MIB1: variants seen among roughly 807,000 people sequenced by gnomAD.
MIB1 encodes the protein MIB E3 ubiquitin protein ligase 1.
MIB1 carries 278 observed loss-of-function variants against 124.5 expected under a neutral mutation model. That is an observed-to-expected ratio of 2.23 (90% confidence interval 2.02 to 2.47). MIB1 has a LOEUF of 2.47. Among genes scored for constraint, MIB1 ranks in the 30% most tolerant of loss-of-function variants. MIB1 has a pLI of 0.00. For synonymous variants in MIB1, 446 were observed against 429.4 expected, an observed-to-expected ratio of 1.04 and a Z score of -0.48; for missense variants, 957 against 1,254.4, an observed-to-expected ratio of 0.76 and a Z score of 3.58.
chr18:21,853,353 A>G (rs1325873623), intron 18 of MIB1, 135 bp downstream of exon 18: 12 of 629,966 alleles, frequency 1.9e-5, no homozygotes, highest in Non-Finnish European at 3.3e-5. Flanking sequence ...AGTACCTTCT[A>G]TTTCTTTCTC....
chr18:21,758,097 A>T (rs1189304430), intron 1 of MIB1, among the ~76,000 whole-genome samples: 2 of 152,180 alleles, frequency 1.3e-5, no homozygotes, highest in Non-Finnish European at 2.9e-5. Flanking sequence ...TCATCCATAA[A>T]ATGGGGATAA....
chr18:21,870,206 T>C lies in MIB1; in HGVS notation c.*5540T>C, dbSNP rs1225027426. The C allele has an allele frequency of 6.6e-6, 1 of 152,590 alleles. No individual in the cohort carries two copies. The highest frequency in any genetic ancestry group is 1.9e-4 in the East Asian group (1 of 5,200). 9.5% of individuals were successfully genotyped at this position (152,590 alleles called of 1,614,324 possible). On this transcript the variant is annotated 3_prime_UTR_variant, in exon 21 of 21. Transcript: ENST00000261537. ...TTCTTTGATCTTTGGAGAATTATTCTTTTATAGTAGTATACATGAATTTTG... is the reference window on the plus strand; with the variant it reads ...TTCTTTGATCTTTGGAGAATTATTCCTTTATAGTAGTATACATGAATTTTG...
At chr18:21,861,041 T>C (rs1405293435) in intron 20 of MIB1, among the ~76,000 whole-genome samples, 1 of 152,120 alleles carries the variant, frequency 6.6e-6, no homozygotes, top group Non-Finnish European at 1.5e-5. Context: ...ACCATCTCTT[T>C]GTAGGGGGTG....
chr18:21,806,567 A>G (rs1172928644), intron 10 of MIB1, among the ~76,000 whole-genome samples: 1 of 151,780 alleles, frequency 6.6e-6, no homozygotes, highest in Non-Finnish European at 1.5e-5. Flanking sequence ...ACATGGTATG[A>G]TGGGAGTTGA....
At chr18:21,812,123 C>G (rs927853553) in intron 10 of MIB1, among the ~76,000 whole-genome samples, 2 of 152,076 alleles carry the variant, frequency 1.3e-5, no homozygotes, top group African/African-American at 4.8e-5. Context: ...GGGGAAATTT[C>G]ACAGGAGAAG....
intron 10 of MIB1, among the ~76,000 whole-genome samples, chr18:21,815,327 C>A (rs749580383): frequency 6.6e-6 from 1 of 151,676 alleles, no homozygotes; most frequent in Non-Finnish European, 1.5e-5. Context: ...TGCCACCATG[C>A]CTGGCTCTCT....
intron 1 of MIB1, among the ~76,000 whole-genome samples, chr18:21,708,497 T>G (rs1324884980): frequency 6.6e-6 from 1 of 152,052 alleles, no homozygotes; most frequent in African/African-American, 2.4e-5. Context: ...CTCCTAAAAA[T>G]ACAAGAAAAT....
chr18:21,849,626 G>T (rs2042165265), intron 17 of MIB1, among the ~76,000 whole-genome samples: 3 of 151,908 alleles, frequency 2.0e-5, no homozygotes, highest in Non-Finnish European at 2.9e-5. Flanking sequence ...TGAGTTTATT[G>T]ATACACCATT....
intron 1 of MIB1, among the ~76,000 whole-genome samples, chr18:21,743,208 T>C (rs1187797015): frequency 6.6e-6 from 1 of 152,234 alleles, no homozygotes; most frequent in Admixed American, 6.5e-5. Context: ...GAATACTCTA[T>C]TGCATGGCAA....
Position 21,818,055 on chromosome 18 carries a change from G to A in MIB1, c.1678-1440G>A, listed in dbSNP as rs551754478. Among the ~76,000 whole-genome samples, 20 of 152,250 alleles carry A rather than the reference G, an allele frequency of 1.3e-4. No individual in the cohort carries two copies. The East Asian group carries it at 3.9e-3, about 29-fold the overall frequency. On this transcript the variant is annotated intron_variant, in intron 11 of 20. Coordinates refer to ENST00000261537, the MANE Select transcript of MIB1 (RefSeq NM_020774.4). ...AAAAAGTAGTCAGCTTGAAAAAATG[G>A]TAGACTGAGATTGCTAAATTTTAAT...
chr18:21,724,743 T>A (rs1240861108), intron 1 of MIB1, among the ~76,000 whole-genome samples: 1,147 of 78,184 alleles, frequency 0.015, 35 homozygotes, highest in Non-Finnish European at 0.021. Flanking sequence ...TATATATATA[T>A]ATATATATAT....
intron 12 of MIB1, among the ~76,000 whole-genome samples, chr18:21,825,215 T>C (rs1261176063): frequency 6.6e-6 from 1 of 152,134 alleles, no homozygotes; most frequent in Non-Finnish European, 1.5e-5. Context: ...GCGGTAAAAT[T>C]AAAGGCCAAT....
intron 13 of MIB1, among the ~76,000 whole-genome samples, chr18:21,842,551 G>T (rs1598638481): frequency 6.6e-6 from 1 of 152,260 alleles, no homozygotes; most frequent in Non-Finnish European, 1.5e-5. Context: ...TTAGGGTTCA[G>T]CTGTTCTCAT....
At chr18:21,733,495 A>G (rs1212783946) in intron 1 of MIB1, among the ~76,000 whole-genome samples, 1 of 152,108 alleles carries the variant, frequency 6.6e-6, no homozygotes, top group East Asian at 1.9e-4. Flanking sequence ...TCCTGGCCCC[A>G]AGCCATTCTC....
At chr18:21,732,814 A>G (rs2040778342) in intron 1 of MIB1, among the ~76,000 whole-genome samples, 1 of 152,244 alleles carries the variant, frequency 6.6e-6, no homozygotes, top group Non-Finnish European at 1.5e-5. Context: ...CGCTCACAAA[A>G]TATCCCTTGT....
chr18:21,773,587 T>C, intron 3 of MIB1, 37 bp from the exon 4 acceptor site: 1 of 1,449,256 alleles, frequency 6.9e-7, no homozygotes, highest in Non-Finnish European at 9.6e-7. Flanking sequence ...TTCCCTCCCC[T>C]TTAAAAAACT....
chr18:21,793,683 A>G (rs902932257), intron 7 of MIB1, among the ~76,000 whole-genome samples: 1 of 145,800 alleles, frequency 6.9e-6, no homozygotes, highest in Non-Finnish European at 1.5e-5. Context: ...TGGGAGACTG[A>G]AGTGAGAGGA....
chr18:21,724,719 AAAAAAAAAATAT>A (rs2040730230), intron 1 of MIB1, among the ~76,000 whole-genome samples: 1 of 58,270 alleles, frequency 1.7e-5, no homozygotes, highest in Non-Finnish European at 3.3e-5. Flanking sequence ...ATCCAAAAAA[AAAAAAAAAATAT>A]ATATATATAT....
At chr18:21,780,926 T>C (rs1410657611) in intron 6 of MIB1, among the ~76,000 whole-genome samples, 1 of 152,238 alleles carries the variant, frequency 6.6e-6, no homozygotes, top group East Asian at 1.9e-4. Context: ...ATGGTAGTTC[T>C]GTTTTTAGTT....
Sources: allele counts gnomAD v4.1 joint callset (sites outside exome capture counted in the v4.1 genomes callset), GRCh38; gene constraint gnomAD v4.1.1; transcripts MANE v1.5; gene names NCBI Gene and HGNC (gene_info 2026-07-23, HGNC 2026-07-21).